The following RNF128 variants were observed in gnomAD, a reference collection of about 807,000 sequenced individuals.
The protein encoded by RNF128 is E3 ubiquitin-protein ligase RNF128.
In RNF128, 13 loss-of-function variants were observed where a neutral mutation model predicts 26.2. The observed-to-expected ratio is 0.50, with a 90% confidence interval of 0.32 to 0.79. RNF128 has a LOEUF of 0.79. RNF128 is among the 30% of genes least tolerant of loss of function. RNF128 has a pLI of 0.03. For synonymous variants in RNF128, 149 were observed against 142.5 expected (o/e 1.05, Z -0.32); for missense variants, 315 against 349.7 (o/e 0.90, Z 0.79).
At chrX:106,776,719 T>A (rs776873021) in intron 2 of RNF128, among the ~76,000 whole-genome samples, 9 of 111,325 alleles carry the variant, frequency 8.1e-5, no homozygotes, top group South Asian at 3.8e-4. Flanking sequence ...TTTATGGAAT[T>A]TTTTTTTGTA....
chrX:106,767,894 T>C (rs1459466631), intron 1 of RNF128, among the ~76,000 whole-genome samples: 1 of 112,050 alleles, frequency 8.9e-6, no homozygotes, highest in Non-Finnish European at 1.9e-5. Context: ...GTCCCATCAA[T>C]ACCTAGTTTA....
intron 1 of RNF128, among the ~76,000 whole-genome samples, chrX:106,742,912 T>C (rs1929727885): frequency 9.0e-6 from 1 of 111,422 alleles, no homozygotes; most frequent in Non-Finnish European, 1.9e-5. Context: ...GATATACATA[T>C]ATGTATATGC....
At chrX:106,753,646 A>G (rs1008350178) in intron 1 of RNF128, among the ~76,000 whole-genome samples, 6 of 111,770 alleles carry the variant, frequency 5.4e-5, no homozygotes, top group African/African-American at 1.9e-4. Flanking sequence ...AAACTTTTCA[A>G]TCAAAAAACA....
At chrX:106,739,968 T>C (rs1267924927) in intron 1 of RNF128, among the ~76,000 whole-genome samples, 2 of 111,563 alleles carry the variant, frequency 1.8e-5, no homozygotes, top group African/African-American at 6.5e-5. Context: ...GAATACCTAA[T>C]CTCTCAACAT....
chrX:106,696,708 C>T (rs1228583019), intron 1 of RNF128, among the ~76,000 whole-genome samples: 4 of 111,449 alleles, frequency 3.6e-5, no homozygotes, highest in African/African-American at 1.3e-4. Flanking sequence ...CCTTCAGTCC[C>T]ATTATCCTGT....
chrX:106,722,500 G>C (rs1284260649), upstream of RNF128, among the ~76,000 whole-genome samples: 1 of 111,813 alleles, frequency 8.9e-6, no homozygotes, highest in African/African-American at 3.3e-5. Flanking sequence ...GTTGTAGTTA[G>C]AAAATAACTC....
intron 1 of RNF128, among the ~76,000 whole-genome samples, chrX:106,703,995 G>A (rs966252602): frequency 9.1e-6 from 1 of 110,048 alleles, no homozygotes; most frequent in Admixed American, 9.7e-5. Flanking sequence ...GGGTGAAAAG[G>A]ATGGCTGTGA....
At chrX:106,744,457 A>G (rs759926574) in intron 1 of RNF128, among the ~76,000 whole-genome samples, 19 of 111,148 alleles carry the variant, frequency 1.7e-4, no homozygotes, top group Non-Finnish European at 3.0e-4. Context: ...TTTAACATGA[A>G]CTTATGATTA....
intron 1 of RNF128, among the ~76,000 whole-genome samples, chrX:106,770,257 C>G (rs1449958267): frequency 1.8e-5 from 2 of 111,133 alleles, no homozygotes; most frequent in African/African-American, 6.6e-5. Context: ...ATCTTTGTGG[C>G]ATTCTCTGTA....
chrX:106,734,030 G>C (rs982573343), intron 1 of RNF128, among the ~76,000 whole-genome samples: 1 of 111,790 alleles, frequency 8.9e-6, no homozygotes, highest in Non-Finnish European at 1.9e-5. Flanking sequence ...TCTGTATATA[G>C]ATATATTATT....
chrX:106,696,995 A>T (rs1362535087), intron 1 of RNF128, among the ~76,000 whole-genome samples: 1 of 111,334 alleles, frequency 9.0e-6, no homozygotes, highest in Non-Finnish European at 1.9e-5. Flanking sequence ...TTTGCTTGAG[A>T]TTGAAGGTTT....
At chrX:106,768,324 G>C (rs755336562) in intron 1 of RNF128, among the ~76,000 whole-genome samples, 1 of 111,456 alleles carries the variant, frequency 9.0e-6, no homozygotes, top group Admixed American at 9.5e-5. Context: ...GGTAGACCTC[G>C]GCTGTGAATC....
At position 106,740,192 on chromosome X, in the gene RNF128, G is replaced by T. The variant is rs929258085; in HGVS notation, c.484+12795G>T. ...CAATGATAGTGTTTTTTCCTTCCAG[G>T]GACCTCACATTTTTAGCCTCTGTTG... On this transcript the variant is annotated intron_variant, in intron 1 of 6. Transcript: ENST00000255499. Among the ~76,000 whole-genome samples, 3 of 111,149 alleles carry T rather than the reference G, an allele frequency of 2.7e-5. No homozygotes were observed. In the South Asian group the frequency reaches 1.1e-3, roughly 43 times the overall value.
chrX:106,769,674 C>G lies in RNF128; in HGVS notation c.485-3239C>G, dbSNP rs183437243. Among the ~76,000 whole-genome samples the G allele has an allele frequency of 8.3e-3, 864 of 104,684 alleles. 3 individuals are homozygous for G. Among genetic ancestry groups the G allele is most frequent in the Non-Finnish European group, 0.012 (643 of 51,679 alleles). 90.9% of individuals were successfully genotyped at this position (104,684 alleles called of 115,157 possible). A position where few individuals can be genotyped will look rare whatever the true frequency, so the allele number is the denominator to read the frequency against. On this transcript the variant is annotated intron_variant, in intron 1 of 6. Transcript: ENST00000255499. ...TACAGCACACTGATGGGTCTTGATTCTTTATCCAATTTGCCAGTCTGTGTC... is the reference window on the plus strand; with the variant it reads ...TACAGCACACTGATGGGTCTTGATTGTTTATCCAATTTGCCAGTCTGTGTC...
intron 2 of RNF128, among the ~76,000 whole-genome samples, chrX:106,777,398 C>A (rs186377459): frequency 1.5e-4 from 17 of 112,024 alleles, no homozygotes; most frequent in African/African-American, 5.2e-4. Flanking sequence ...ATGAATTGTT[C>A]CTTTGAACCT....
At chrX:106,711,194 T>A (rs1929120849) in intron 1 of RNF128, among the ~76,000 whole-genome samples, 1 of 112,236 alleles carries the variant, frequency 8.9e-6, no homozygotes, top group Non-Finnish European at 1.9e-5. Flanking sequence ...ACTCACCGCC[T>A]AGCCCCATGG....
At chrX:106,788,120 T>C in intron 4 of RNF128, 120 bp downstream of exon 4, 1 of 382,492 alleles carries the variant, frequency 2.6e-6, no homozygotes, top group East Asian at 4.6e-5. Context: ...TTTTTTAACT[T>C]ATCTTCATTT....
rs1230871193 is a variant in RNF128 at position 106,789,383 on chromosome X, GTA to G, written c.888-795_888-794del. ...GTATATATGTATATTATATATTTAT[GTA>G]TATATATGTACATTATATAATATAT... On this transcript the variant is annotated intron_variant, in intron 4 of 6. Coordinates refer to ENST00000255499, the MANE Select transcript of RNF128 (RefSeq NM_194463.2). 4.8e-4 allele frequency among the ~76,000 whole-genome samples: 43 copies of G among 89,047 alleles called. 1 individual carries two copies. In the East Asian group the frequency reaches 9.1e-3, roughly 19 times the overall value. 77.3% of individuals were successfully genotyped at this position (89,047 alleles called of 115,157 possible). A position where few individuals can be genotyped will look rare whatever the true frequency, so the allele number is the denominator to read the frequency against.
At chrX:106,695,253 A>C (rs1453065610) in intron 1 of RNF128, among the ~76,000 whole-genome samples, 1 of 111,461 alleles carries the variant, frequency 9.0e-6, no homozygotes, top group Non-Finnish European at 1.9e-5. Context: ...AATAATTTCA[A>C]TCAAGGCAAG....
Sources: allele counts gnomAD v4.1 joint callset (sites outside exome capture counted in the v4.1 genomes callset), GRCh38; gene constraint gnomAD v4.1.1; transcripts MANE v1.5; gene names NCBI Gene and HGNC (gene_info 2026-07-23, HGNC 2026-07-21).